The following TNR variants were observed in gnomAD, a reference collection of about 807,000 sequenced individuals.
TNR encodes tenascin-R.
TNR carries 45 observed loss-of-function variants against 150.4 expected under a neutral mutation model. That is an observed-to-expected ratio of 0.30 (90% CI 0.24 to 0.38). The LOEUF (loss-of-function observed/expected upper bound fraction) is 0.38, where lower values mean the gene tolerates loss of function less well. Among genes scored for constraint, TNR ranks in the 10% least tolerant of loss-of-function variants. The pLI is 1.00. For synonymous variants in TNR, 687 were observed against 678.4 expected, an observed-to-expected ratio of 1.01 and a Z score of -0.20; for missense variants, 1,544 against 1,759.1, an observed-to-expected ratio of 0.88 and a Z score of 2.19.
chr1:175,579,401 G>A (rs760129407), intron 1 of TNR, among the ~76,000 whole-genome samples: 18 of 152,114 alleles, frequency 1.2e-4, no homozygotes, highest in Non-Finnish European at 1.5e-5. Context: ...ATGGAGAGGG[G>A]CTTGAAGTAT....
At chr1:175,391,628 G>A (rs2102035133) in intron 6 of TNR, among the ~76,000 whole-genome samples, 190 bp from the exon 7 acceptor site, 1 of 152,320 alleles carries the variant, frequency 6.6e-6, no homozygotes. Flanking sequence ...CCATAAGAAT[G>A]ACACCACCCT....
chr1:175,719,491 C>T (rs932617235), intron 1 of TNR, among the ~76,000 whole-genome samples: 20 of 152,344 alleles, frequency 1.3e-4, no homozygotes, highest in African/African-American at 4.3e-4. Context: ...GGTACTTCAT[C>T]TCCCTCAGTT....
At chr1:175,410,750 A>C (rs780336581) in intron 2 of TNR, among the ~76,000 whole-genome samples, 2 of 152,196 alleles carry the variant, frequency 1.3e-5, no homozygotes, top group Non-Finnish European at 2.9e-5. Flanking sequence ...TGACTGGCAG[A>C]GTTCAAGATG....
intron 1 of TNR, among the ~76,000 whole-genome samples, chr1:175,578,191 T>A (rs928580073): frequency 6.6e-6 from 1 of 151,862 alleles, no homozygotes; most frequent in African/African-American, 2.4e-5. Context: ...TTGTCAAATG[T>A]GGACGTGGGT....
chr1:175,714,219 T>C (rs1253815368), intron 1 of TNR, among the ~76,000 whole-genome samples: 3 of 151,924 alleles, frequency 2.0e-5, no homozygotes, highest in African/African-American at 7.3e-5. Context: ...CTTCTACCCA[T>C]CACGCCCCTC....
At position 175,446,325 on chromosome 1, in the gene TNR, C is replaced by T. The variant is rs542401559; in HGVS notation, c.-63-39548G>A. 1.2e-4 allele frequency among the ~76,000 whole-genome samples: 19 copies of T among 152,280 alleles called. No homozygotes were observed. In the East Asian group the frequency reaches 2.1e-3, roughly 17 times the overall value. On this transcript the variant is annotated intron_variant, in intron 2 of 22. Transcript: ENST00000367674. ...CTGTACCAAATCCTTGGGTCAGAAG[C>T]GGGGCTCTGTCACATCTTCCTTTGA...
intron 1 of TNR, among the ~76,000 whole-genome samples, chr1:175,742,994 A>ACACACACC (rs1491394442): frequency 5.1e-5 from 7 of 138,338 alleles, no homozygotes; most frequent in East Asian, 2.2e-4. Context: ...ACACACACAC[A>ACACACACC]CCCGCAAGGC....
In TNR at chr1:175,406,360, T is replaced by C. The variant is rs768645594; in HGVS notation, c.355A>G (p.Asn119Asp). The C allele has an allele frequency of 7.4e-6, 12 of 1,614,004 alleles. No homozygotes were observed. The African/African-American group carries it at 1.6e-4, about 22-fold the overall frequency. ...ESQVTFTHRI[N>D]FPKKACPCAS... ...CATGGACAGGCCTTTTTGGGGAAGTTGATCCTGTGTGTAAAGGTGACCTGG... is the reference window on the plus strand; with the variant it reads ...CATGGACAGGCCTTTTTGGGGAAGTCGATCCTGTGTGTAAAGGTGACCTGG... Residue 119 changes from asparagine to aspartate, a missense_variant, in exon 3 of 23, where the codon AAC (asparagine) becomes GAC (aspartate). Coordinates refer to ENST00000367674, the MANE Select transcript of TNR (RefSeq NM_003285.3).
intron 1 of TNR, among the ~76,000 whole-genome samples, chr1:175,738,506 G>C (rs534997431): frequency 1.3e-5 from 2 of 152,172 alleles, no homozygotes; most frequent in African/African-American, 4.8e-5. Flanking sequence ...GCCAAGGGCT[G>C]GGGGAGGAGG....
intron 1 of TNR, among the ~76,000 whole-genome samples, chr1:175,643,008 G>C (rs982147614): frequency 1.3e-5 from 2 of 152,206 alleles, no homozygotes; most frequent in Admixed American, 1.3e-4. Flanking sequence ...ATGACAACTG[G>C]AAAGAGGGGC....
chr1:175,572,738 A>G (rs1366195260), intron 1 of TNR, among the ~76,000 whole-genome samples: 1 of 152,048 alleles, frequency 6.6e-6, no homozygotes, highest in African/African-American at 2.4e-5. Flanking sequence ...ATATATTCCA[A>G]CATCTGAATT....
intron 1 of TNR, among the ~76,000 whole-genome samples, chr1:175,704,105 G>C (rs931605042): frequency 1.3e-4 from 20 of 152,184 alleles, no homozygotes; most frequent in African/African-American, 4.8e-4. Flanking sequence ...TGGGATGATG[G>C]AAAAGTTCTG....
chr1:175,550,452 G>T (rs541062088), intron 1 of TNR, among the ~76,000 whole-genome samples: 1 of 152,226 alleles, frequency 6.6e-6, no homozygotes, highest in East Asian at 1.9e-4. Context: ...TAAAACAGGA[G>T]TATTAAGTGA....
At chr1:175,326,887 C>T (rs1989499) in intron 21 of TNR, among the ~76,000 whole-genome samples, 31,389 of 151,748 alleles carry the variant, frequency 0.21, 4,131 homozygotes, top group African/African-American at 0.37. Context: ...AGGATGGTCT[C>T]GATCTCCTGA....
intron 22 of TNR, 41 bp downstream of exon 22, chr1:175,324,315 C>G: frequency 6.3e-7 from 1 of 1,594,266 alleles, no homozygotes; most frequent in Admixed American, 1.8e-5. Flanking sequence ...ACGGATTCCA[C>G]AGCTCTGGCT....
Position 175,468,172 on chromosome 1 carries a change from GC to G in TNR, c.-64+60096del, listed in dbSNP as rs571374643. 1.6e-4 allele frequency among the ~76,000 whole-genome samples: 24 copies of G among 152,330 alleles called. No individual in the cohort carries two copies. The South Asian group carries it at 5.0e-3, about 32-fold the overall frequency. Reference sequence around the variant, plus strand: ...TGGAGATTTCCAAGGGTGGGAACTTGCCACTGATGCGCTAGTGAAGGAGATA... The same window carrying G: ...TGGAGATTTCCAAGGGTGGGAACTTGCACTGATGCGCTAGTGAAGGAGATA... On this transcript the variant is annotated intron_variant, in intron 2 of 22. Transcript: ENST00000367674.
chr1:175,612,542 AAATACT>A (rs1333364056), intron 1 of TNR, among the ~76,000 whole-genome samples: 1 of 152,184 alleles, frequency 6.6e-6, no homozygotes, highest in Non-Finnish European at 1.5e-5. Context: ...AGGCAGTGCT[AAATACT>A]AGGATTTTTC....
Position 175,403,620 on chromosome 1 carries a change from G to A in TNR, c.500-4C>T. On this transcript the variant is annotated splice_region_variant and splice_polypyrimidine_tract_variant and intron_variant, in intron 3 of 22. Transcript: ENST00000367674. ...TGAGGGATATAGTCCAGTTGTCCTG[G>A]AATGGTCAAGGAGAAGGTCAAAGAG... 5 of 1,606,906 alleles carry A rather than the reference G, an allele frequency of 3.1e-6. No homozygotes were observed. Among genetic ancestry groups the A allele is most frequent in the Non-Finnish European group, 4.3e-6 (5 of 1,175,506 alleles).
chr1:175,346,215 AG>A (rs1230389534), intron 18 of TNR, among the ~76,000 whole-genome samples: 3 of 152,242 alleles, frequency 2.0e-5, no homozygotes, highest in Non-Finnish European at 4.4e-5. Flanking sequence ...AGATGTGAAA[AG>A]TAAGAATGAT....
Sources: allele counts gnomAD v4.1 joint callset (sites outside exome capture counted in the v4.1 genomes callset), GRCh38; gene constraint gnomAD v4.1.1; transcripts MANE v1.5; gene names NCBI Gene and HGNC (gene_info 2026-07-23, HGNC 2026-07-21).